The following DNAH12 variants were observed in gnomAD, a reference collection of about 807,000 sequenced individuals.
DNAH12 encodes the protein axonemal beta dynein heavy chain 12.
Under a neutral mutation model 371.5 loss-of-function variants are expected in DNAH12, and 285 were observed. The observed-to-expected ratio is 0.77, with a 90% CI of 0.70 to 0.85. The LOEUF (loss-of-function observed/expected upper bound fraction) is 0.85. Ranked by LOEUF, DNAH12 falls within the 40% of genes least tolerant of loss-of-function variation. DNAH12 has a pLI of 0.00. For synonymous variants in DNAH12, 1,200 were observed against 1,213.0 expected (o/e 0.99, Z 0.22); for missense variants, 3,611 against 3,689.4 (o/e 0.98, Z 0.55).
chr3:57,340,252 C>A (rs548988627), intron 60 of DNAH12, among the ~76,000 whole-genome samples: 3 of 151,570 alleles, frequency 2.0e-5, no homozygotes, highest in African/African-American at 7.3e-5. Context: ...TAATGATGCA[C>A]CTCAAGAAAC....
chr3:57,440,584 G>C (rs978489731), intron 29 of DNAH12, among the ~76,000 whole-genome samples: 3 of 152,196 alleles, frequency 2.0e-5, no homozygotes, highest in African/African-American at 7.2e-5. Context: ...ACTATGCTCA[G>C]TACCTGGGTG....
chr3:57,427,989 C>T (rs541093124), intron 34 of DNAH12, among the ~76,000 whole-genome samples: 254 of 151,656 alleles, frequency 1.7e-3, no homozygotes, highest in Middle Eastern at 0.01. Flanking sequence ...AGTGCAGTGG[C>T]GTGATCTCGG....
At chr3:57,297,025 G>C in intron 70 of DNAH12, 41 bp from the exon 71 acceptor site, 1 of 1,544,374 alleles carries the variant, frequency 6.5e-7, no homozygotes. Flanking sequence ...AGTTTTTAAA[G>C]TTATACAAGT....
rs1212727918 is a variant in DNAH12 at position 57,425,161 on chromosome 3, T to C, written c.5254-20A>G. 1 of 681,128 alleles carries C rather than the reference T, an allele frequency of 1.5e-6. No homozygotes were observed. The highest frequency in any genetic ancestry group is 1.6e-5 in the South Asian group (1 of 62,770). 42.2% of individuals were successfully genotyped at this position (681,128 alleles called of 1,614,324 possible). On this transcript the variant is annotated intron_variant, in intron 34 of 73. Transcript: ENST00000495027. ...CAGTTCCTGCAAGGTGAAAATAAGATAACTTTCTTAATTTTCATCTTATTT... is the reference window on the plus strand; with the variant it reads ...CAGTTCCTGCAAGGTGAAAATAAGACAACTTTCTTAATTTTCATCTTATTT...
the DNAH12 span, among the ~76,000 whole-genome samples, chr3:57,550,669 C>T: frequency 6.6e-6 from 1 of 151,586 alleles, no homozygotes; most frequent in African/African-American, 2.4e-5. Context: ...CGTACCACGA[C>T]GCCCAGCTAA....
At chr3:57,551,472 C>T in the DNAH12 span, among the ~76,000 whole-genome samples, 2 of 151,730 alleles carry the variant, frequency 1.3e-5, no homozygotes, top group South Asian at 2.1e-4. Flanking sequence ...GGGGTTTCGC[C>T]GTGTTAGCCA....
chr3:57,412,495 TGAGAA>T (rs1452961413), intron 39 of DNAH12, among the ~76,000 whole-genome samples: 1 of 152,058 alleles, frequency 6.6e-6, no homozygotes, highest in Non-Finnish European at 1.5e-5. Flanking sequence ...GTCAAGAGAA[TGAGAA>T]GACAGGCCTG....
At chr3:57,426,700 T>C (rs2064779603) in intron 34 of DNAH12, among the ~76,000 whole-genome samples, 1 of 151,450 alleles carries the variant, frequency 6.6e-6, no homozygotes, top group Non-Finnish European at 1.5e-5. Flanking sequence ...AGCCAGGTGT[T>C]GTGGTGCACG....
At chr3:57,545,991 G>A (rs936474955), upstream of DNAH12, among the ~76,000 whole-genome samples, 1 of 152,078 alleles carries the variant, frequency 6.6e-6, no homozygotes. Context: ...TTGTAAGTCC[G>A]GCTTCTAGGA....
chr3:57,302,167 C>T (rs1247628260), intron 69 of DNAH12, among the ~76,000 whole-genome samples: 2 of 152,018 alleles, frequency 1.3e-5, no homozygotes, highest in African/African-American at 4.8e-5. Context: ...ATACAACTAG[C>T]ATATCAAAAT....
At chr3:57,412,729 C>T (rs1252112104) in intron 39 of DNAH12, among the ~76,000 whole-genome samples, 2 of 152,234 alleles carry the variant, frequency 1.3e-5, no homozygotes, top group Non-Finnish European at 2.9e-5. Context: ...CAAATTAAAA[C>T]AATGAAATAC....
At chr3:57,414,534 T>C (rs2064305154) in intron 38 of DNAH12, among the ~76,000 whole-genome samples, 2 of 152,118 alleles carry the variant, frequency 1.3e-5, no homozygotes, top group South Asian at 4.1e-4. Context: ...ATCCTCACCC[T>C]CCTCCCCCGC....
Position 57,472,605 on chromosome 3 carries a change from T to C in DNAH12, c.1717A>G (p.Asn573Asp), listed in dbSNP as rs1400901299. The change falls in exon 14 of 74, where the codon AAT becomes GAT. Residue 573 changes from asparagine (N) to aspartate (D), a missense_variant. Asn to Asp is a conservative substitution (Grantham distance 23). Around this residue, in one of 3 missense-constraint regions of DNAH12, gnomAD observed 1,314 missense variants for 1,398.7 expected, o/e 0.94. Coordinates refer to ENST00000495027, the MANE Select transcript of DNAH12 (RefSeq NM_001366028.2). ...FLFPQEDLALNATVLMWPRKI... is the reference protein window; with the variant it reads ...FLFPQEDLALDATVLMWPRKI... ...CTAGGCCACATGAGGACAGTTGCAT[T>C]TAAAGCTAAGTCTTCTTGAGGAAAT... 1 of 1,551,150 alleles carries C rather than the reference T, an allele frequency of 6.4e-7. No homozygotes were observed. The highest frequency in any genetic ancestry group is 8.7e-7 in the Non-Finnish European group (1 of 1,146,796).
chr3:57,310,615 C>T, intron 67 of DNAH12, 102 bp downstream of exon 67: 3 of 789,978 alleles, frequency 3.8e-6, no homozygotes, highest in South Asian at 2.1e-5. Context: ...TGATTAAAAC[C>T]ATAATATTTG....
chr3:57,304,656 C>T (rs756547667), intron 69 of DNAH12, among the ~76,000 whole-genome samples: 21 of 152,198 alleles, frequency 1.4e-4, no homozygotes, highest in Non-Finnish European at 2.5e-4. Flanking sequence ...CCTGATTATT[C>T]ACCCACGTTT....
At position 57,354,158 on chromosome 3, in the gene DNAH12, G is replaced by T. The variant is rs2062744136; in HGVS notation, c.9534-1933C>A. ...TCGTAGACTAGATAAAACTAATGTGGTACAGATACACCATGGAATACAACA... is the reference window on the plus strand; with the variant it reads ...TCGTAGACTAGATAAAACTAATGTGTTACAGATACACCATGGAATACAACA... On this transcript the variant is annotated intron_variant, in intron 59 of 73. Transcript: ENST00000495027. 2.6e-5 allele frequency among the ~76,000 whole-genome samples: 4 copies of T among 152,250 alleles called. No individual in the cohort carries two copies. In the South Asian group the frequency reaches 8.3e-4, roughly 32 times the overall value.
chr3:57,429,006 T>C (rs1575589310), intron 33 of DNAH12, among the ~76,000 whole-genome samples, 185 bp from the exon 34 acceptor site: 1 of 152,210 alleles, frequency 6.6e-6, no homozygotes, highest in Non-Finnish European at 1.5e-5. Flanking sequence ...TCCCCAGATA[T>C]GTAAAGGCTC....
chr3:57,508,747 C>T (rs896521447), intron 6 of DNAH12, among the ~76,000 whole-genome samples: 11 of 152,156 alleles, frequency 7.2e-5, no homozygotes, highest in African/African-American at 2.7e-4. Flanking sequence ...TCAGAGAGAA[C>T]AGAAATAATT....
intron 60 of DNAH12, among the ~76,000 whole-genome samples, chr3:57,346,022 T>C (rs1022897380): frequency 8.5e-5 from 13 of 152,094 alleles, no homozygotes; most frequent in African/African-American, 3.1e-4. Context: ...ATTGTATATA[T>C]TTTCAAATAG....
Sources: gnomAD v4.1 joint callset for allele counts (sites outside exome capture counted in the v4.1 genomes callset) on GRCh38, gnomAD v4.1.1 for gene constraint, gnomAD v4.1.1 regional missense constraint, MANE v1.5 for transcripts, NCBI Gene and HGNC (gene_info 2026-07-23, HGNC 2026-07-21) for gene names.